Variants in AATF observed in about 807,000 individuals in gnomAD.
The protein encoded by AATF is protein AATF.
In AATF, 48 loss-of-function variants were observed where a neutral mutation model predicts 63.7. That is an observed-to-expected ratio of 0.75 (90% CI 0.60 to 0.96). The LOEUF is 0.96. AATF is among the 40% of genes least tolerant of loss of function. AATF has a pLI of 0.00. For synonymous variants in AATF, 258 were observed against 247.7 expected, an observed-to-expected ratio of 1.04 and a Z score of -0.39; for missense variants, 639 against 685.7, an observed-to-expected ratio of 0.93 and a Z score of 0.76.
At position 36,996,811 on chromosome 17, in the gene AATF, G is replaced by A. The variant is rs139014051; in HGVS notation, c.1398+5954G>A. On this transcript the variant is annotated intron_variant, in intron 8 of 11. Transcript: ENST00000619387. ...TCTAGAAATTTCATCAAACAGGAGC[G>A]TCAAGGTAAGGTGCACATGACTGGC... 7.2e-4 allele frequency among the ~76,000 whole-genome samples: 109 copies of A among 152,246 alleles called. 1 individual carries two copies. In the East Asian group the frequency reaches 0.017, roughly 23 times the overall value.
chr17:36,986,415 C>T (rs1345151804), intron 4 of AATF, among the ~76,000 whole-genome samples: 1 of 152,152 alleles, frequency 6.6e-6, no homozygotes, highest in Non-Finnish European at 1.5e-5. Flanking sequence ...CTTGCTTGTT[C>T]CTCACAACAA....
At chr17:37,045,917 T>C (rs1343282807) in intron 11 of AATF, 1 of 152,194 alleles carries the variant, frequency 6.6e-6, no homozygotes, top group East Asian at 1.9e-4. Flanking sequence ...CAGATGCTCC[T>C]TTTGCTGAAT....
chr17:37,031,727 CA>C lies in AATF; in HGVS notation c.1619+43del. ...TTATGTGTCTCAAATGGCTTCATGA[CA>C]GCCTGATATTGACCTGCTCTACAGC... On this transcript the variant is annotated intron_variant, in intron 11 of 11. Coordinates refer to ENST00000619387, the MANE Select transcript of AATF (RefSeq NM_012138.4). 3 of 1,504,596 alleles carry C rather than the reference CA, an allele frequency of 2.0e-6. No homozygotes were observed. The South Asian group carries it at 3.4e-5, about 17-fold the overall frequency. The allele number at this position is 1,504,596 out of a possible 1,614,324, so 93.2% of individuals were successfully genotyped here.
chr17:37,043,271 T>C (rs2071658752), intron 11 of AATF: 2 of 152,274 alleles, frequency 1.3e-5, no homozygotes, highest in South Asian at 2.1e-4. Flanking sequence ...CCCCATGTGC[T>C]GTCCAGAGCA....
intron 8 of AATF, among the ~76,000 whole-genome samples, chr17:37,018,647 G>A (rs904306655): frequency 2.0e-5 from 3 of 152,098 alleles, no homozygotes; most frequent in South Asian, 2.1e-4. Flanking sequence ...TTGCCACACG[G>A]CCCTTCCCAC....
At chr17:37,011,206 A>G (rs1194358521) in intron 8 of AATF, among the ~76,000 whole-genome samples, 2 of 152,118 alleles carry the variant, frequency 1.3e-5, no homozygotes, top group Non-Finnish European at 2.9e-5. Flanking sequence ...CCCCGTCTCA[A>G]CTAAAAATTT....
intron 8 of AATF, among the ~76,000 whole-genome samples, chr17:36,991,550 T>C (rs2071214774): frequency 6.6e-6 from 1 of 152,004 alleles, no homozygotes; most frequent in South Asian, 2.1e-4. Flanking sequence ...AGAACTGAAA[T>C]AACTTCCTGT....
intron 11 of AATF, among the ~76,000 whole-genome samples, chr17:37,042,500 G>A (rs573763530): frequency 1.3e-5 from 2 of 150,084 alleles, no homozygotes; most frequent in African/African-American, 2.4e-5. Flanking sequence ...CTGCAGCCTC[G>A]AACTCCTGTG....
intron 8 of AATF, among the ~76,000 whole-genome samples, chr17:36,991,956 G>C (rs1336238617): frequency 6.6e-6 from 1 of 152,170 alleles, no homozygotes; most frequent in Non-Finnish European, 1.5e-5. Flanking sequence ...AATAGAGGAA[G>C]CTGTTCAGCA....
chr17:37,007,067 T>C (rs370050689), intron 8 of AATF, among the ~76,000 whole-genome samples: 6 of 152,234 alleles, frequency 3.9e-5, no homozygotes, highest in African/African-American at 1.4e-4. Flanking sequence ...TTGCATAACC[T>C]GATTTCCTTT....
chr17:36,971,243 C>CA (rs564349425), intron 4 of AATF, among the ~76,000 whole-genome samples: 13 of 149,800 alleles, frequency 8.7e-5, no homozygotes, highest in African/African-American at 2.7e-4. Flanking sequence ...AATACCCATT[C>CA]AAAAAAAAAT....
At chr17:36,959,648 A>G (rs899771229) in intron 4 of AATF, among the ~76,000 whole-genome samples, 7 of 152,240 alleles carry the variant, frequency 4.6e-5, no homozygotes, top group Non-Finnish European at 8.8e-5. Context: ...AACTTCAGTC[A>G]TAATAAGTTG....
At chr17:37,009,875 A>G (rs1036763502) in intron 8 of AATF, among the ~76,000 whole-genome samples, 1 of 150,576 alleles carries the variant, frequency 6.6e-6, no homozygotes, top group East Asian at 2.0e-4. Context: ...TGAATAGACC[A>G]GTCTATGTGT....
intron 4 of AATF, among the ~76,000 whole-genome samples, chr17:36,981,661 C>CTCTTTCT (rs551265991): frequency 1.2e-4 from 18 of 147,442 alleles, no homozygotes; most frequent in East Asian, 4.0e-4. Context: ...TTCTTTCTTC[C>CTCTTTCT]TCTTTCTTCT....
At chr17:36,957,235 C>T (rs2070909299) in intron 4 of AATF, among the ~76,000 whole-genome samples, 1 of 152,204 alleles carries the variant, frequency 6.6e-6, no homozygotes, top group Non-Finnish European at 1.5e-5. Context: ...AGTTACTTAA[C>T]TTCACAGTAA....
Position 37,020,924 on chromosome 17 carries a change from A to C in AATF, c.1467-10A>C. On this transcript the variant is annotated splice_polypyrimidine_tract_variant and intron_variant, in intron 9 of 11. Transcript: ENST00000619387. The stretch of plus-strand genomic sequence containing the variant: ...GTGATGATGCATAACATTGCTTGTG[A>C]ATTTTCCAGGCAGTGGCTTGCAATC... 3.1e-6 allele frequency: 5 copies of C among 1,608,696 alleles called. No individual in the cohort carries two copies. Among genetic ancestry groups the C allele is most frequent in the Non-Finnish European group, 3.4e-6 (4 of 1,177,512 alleles).
rs563609183 is a variant in AATF at position 37,046,681 on chromosome 17, T to C, written c.1620-9920T>C. 2.6e-4 allele frequency among the ~76,000 whole-genome samples: 40 copies of C among 151,890 alleles called. No homozygotes were observed. In the South Asian group the frequency reaches 8.1e-3, roughly 31 times the overall value. On this transcript the variant is annotated intron_variant, in intron 11 of 11. Transcript: ENST00000619387. ...GACATTGAATACCCTCACTAATTCC[T>C]GCGTGTTGAAGTTAAGCTAGAGCTG...
intron 4 of AATF, among the ~76,000 whole-genome samples, chr17:36,968,187 A>T (rs1285058549): frequency 1.4e-5 from 2 of 141,346 alleles, no homozygotes; most frequent in Non-Finnish European, 3.1e-5. Flanking sequence ...ACATTTCCTC[A>T]GCTTTATTTT....
chr17:37,047,528 G>T (rs543181113), intron 11 of AATF, among the ~76,000 whole-genome samples: 10 of 152,226 alleles, frequency 6.6e-5, no homozygotes, highest in African/African-American at 2.4e-4. Context: ...CAGCCTCTCA[G>T]TTCCTTTGTT....
Sources: allele counts gnomAD v4.1 joint callset (sites outside exome capture counted in the v4.1 genomes callset), GRCh38; gene constraint gnomAD v4.1.1; transcripts MANE v1.5; gene names NCBI Gene and HGNC (gene_info 2026-07-23, HGNC 2026-07-21).